SYNE2: variants seen among roughly 807,000 people sequenced by gnomAD.
SYNE2 encodes spectrin repeat containing nuclear envelope protein 2.
SYNE2 carries 431 observed loss-of-function variants against 856.3 expected under a neutral mutation model. That is an observed-to-expected ratio of 0.50 (90% CI 0.47 to 0.55). The LOEUF is 0.55. Ranked by LOEUF, SYNE2 falls within the 20% of genes least tolerant of loss-of-function variation. The pLI, the probability that SYNE2 is intolerant of heterozygous loss-of-function variation, is 0.00. For synonymous variants in SYNE2, 2,923 were observed against 2,872.3 expected (o/e 1.02, Z -0.56); for missense variants, 8,129 against 8,023.2 (o/e 1.01, Z -0.50).
At chr14:63,952,746 T>A (rs1277758014) in intron 7 of SYNE2, among the ~76,000 whole-genome samples, 3 of 152,270 alleles carry the variant, frequency 2.0e-5, no homozygotes, top group Non-Finnish European at 4.4e-5. Flanking sequence ...CACTGACTGC[T>A]ATGTAGTTTA....
Position 63,941,732 on chromosome 14 carries a change from A to G in SYNE2, c.179A>G (p.Asp60Gly). 6.2e-7 allele frequency: 1 copy of G among 1,614,166 alleles called. No homozygotes were observed. Among genetic ancestry groups the G allele is most frequent in the Non-Finnish European group, 8.5e-7 (1 of 1,180,008 alleles). ...TCAGTTATATCCGACCTATTCACAGACATTAAAAAGGGGCATGTCCTCCTG... is the reference window on the plus strand; with the variant it reads ...TCAGTTATATCCGACCTATTCACAGGCATTAAAAAGGGGCATGTCCTCCTG... ...SPSVISDLFT[D>G]IKKGHVLLDL... The change falls in exon 4 of 116, where the codon GAC becomes GGC. Residue 60 changes from aspartate to glycine, a missense_variant. Transcript: ENST00000555002.
intron 1 of SYNE2, among the ~76,000 whole-genome samples, chr14:63,764,701 T>C (rs1366272757): frequency 6.6e-6 from 1 of 151,960 alleles, no homozygotes; most frequent in Non-Finnish European, 1.5e-5. Flanking sequence ...CTGCATGCCT[T>C]AGGTATTTGT....
Position 64,022,834 on chromosome 14 carries a change from A to C in SYNE2, c.5608A>C (p.Ser1870Arg), listed in dbSNP as rs368227332. The C allele has an allele frequency of 5.2e-4, 837 of 1,608,528 alleles. 11 individuals carry two copies. In the South Asian group the frequency reaches 8.9e-3, roughly 17 times the overall value. Residue 1870 changes from serine to arginine, a missense_variant, in exon 38 of 116, where the codon AGT becomes CGT. Ser to Arg is a moderately radical substitution (Grantham distance 110, BLOSUM62 -1). Around this residue, in one of 3 missense-constraint regions of SYNE2, gnomAD observed 2,422 missense variants for 2,357.4 expected, o/e 1.03. Coordinates refer to ENST00000555002, the MANE Select transcript of SYNE2 (RefSeq NM_182914.3). ...ECFESSETKK[S>R]VEQKLQKLSD... The stretch of plus-strand genomic sequence containing the variant: ...TTTTGAATCATCAGAAACAAAAAAG[A>C]GTGTGGAACAAAAGCTACAAAAACT...
intron 1 of SYNE2, among the ~76,000 whole-genome samples, chr14:63,904,507 C>T (rs1039053344): frequency 4.0e-5 from 6 of 151,758 alleles, no homozygotes; most frequent in African/African-American, 1.2e-4. Context: ...TTAGTAGTAG[C>T]CATTCTGACT....
Position 64,065,486 on chromosome 14 carries a change from A to G in SYNE2, c.10267A>G (p.Ile3423Val), listed in dbSNP as rs779367486. 2.5e-6 allele frequency: 4 copies of G among 1,614,156 alleles called. No individual in the cohort carries two copies. In the South Asian group the frequency reaches 4.4e-5, roughly 18 times the overall value. The change falls in exon 51 of 116, where the codon ATC becomes GTC. Residue 3423 changes from isoleucine (I) to valine (V), a missense_variant. This residue lies in a region of SYNE2 where 5,410 missense variants were observed against 5,284.8 expected (regional missense o/e 1.02). Transcript: ENST00000555002. ...AGAAGAGTTAATGAAACTACGACAG[A>G]TCCTTAGACTCTTGAGACTCAGGTG... ...TKEELMKLRQILRLLRLRCTE... is the reference protein window; with the variant it reads ...TKEELMKLRQVLRLLRLRCTE...
intron 108 of SYNE2, among the ~76,000 whole-genome samples, chr14:64,217,138 T>C (rs1190754104): frequency 6.6e-6 from 1 of 152,250 alleles, no homozygotes; most frequent in Non-Finnish European, 1.5e-5. Context: ...TCCATTGCCA[T>C]GGTACCTGAG....
chr14:64,208,326 A>G (rs1152594), intron 100 of SYNE2: 168,366 of 368,212 alleles, frequency 0.46, 42,604 homozygotes, highest in African/African-American at 0.79. Context: ...TAAAAGATTG[A>G]GAGTTCCTGC....
At chr14:63,767,145 C>T (rs1253554500) in intron 1 of SYNE2, among the ~76,000 whole-genome samples, 1 of 145,658 alleles carries the variant, frequency 6.9e-6, no homozygotes, top group Non-Finnish European at 1.5e-5. Flanking sequence ...CTGGCTCTGT[C>T]GCCCAGGCTG....
intron 93 of SYNE2, 77 bp downstream of exon 93, chr14:64,169,048 G>A: frequency 2.6e-6 from 3 of 1,162,828 alleles, no homozygotes; most frequent in Non-Finnish European, 3.9e-6. Flanking sequence ...TTTCCACCAT[G>A]TGAACCTTGA....
At position 63,818,919 on chromosome 14, in the gene SYNE2, C is replaced by T. The variant is rs191391292; in HGVS notation, c.-304-33582C>T. On this transcript the variant is annotated intron_variant, in intron 1 of 23. Coordinates refer to the SYNE2 transcript ENST00000674003. ...TTCACCATGTTAGCCAGGATGGTCT[C>T]GATCTCCTGACTTCGTGATCCGCCA... Among the ~76,000 whole-genome samples the T allele has an allele frequency of 4.3e-3, 646 of 151,768 alleles. 12 individuals carry two copies. Among genetic ancestry groups the T allele is most frequent in the African/African-American group, 0.014 (587 of 41,428 alleles).
chr14:63,823,649 G>A (rs1173023676), intron 1 of SYNE2, among the ~76,000 whole-genome samples: 1 of 149,452 alleles, frequency 6.7e-6, no homozygotes, highest in Non-Finnish European at 1.5e-5. Context: ...GTCTGAGACA[G>A]GTTCTCATTC....
intron 21 of SYNE2, among the ~76,000 whole-genome samples, chr14:63,992,357 GCCTCCAA>G (rs1334032028): frequency 2.6e-5 from 4 of 151,988 alleles, no homozygotes; most frequent in Admixed American, 2.0e-4. Context: ...GCTCACTGCA[GCCTCCAA>G]CTCCTGGGCT....
At chr14:64,147,174 T>C (rs2098195062) in intron 84 of SYNE2, among the ~76,000 whole-genome samples, 1 of 152,076 alleles carries the variant, frequency 6.6e-6, no homozygotes, top group Non-Finnish European at 1.5e-5. Context: ...TACATACAGT[T>C]TCTCATTAGG....
chr14:63,932,976 A>T (rs945389737), intron 2 of SYNE2, among the ~76,000 whole-genome samples: 12 of 152,350 alleles, frequency 7.9e-5, no homozygotes, highest in Non-Finnish European at 1.8e-4. Context: ...ATGTTAGGCT[A>T]AGAATTGATC....
intron 2 of SYNE2, among the ~76,000 whole-genome samples, chr14:63,926,261 A>G (rs992091729): frequency 2.0e-5 from 3 of 150,848 alleles, no homozygotes; most frequent in Non-Finnish European, 3.0e-5. Flanking sequence ...TAGGCAATCA[A>G]TTAATCTACT....
At chr14:63,826,453 C>G (rs928681870) in intron 1 of SYNE2, among the ~76,000 whole-genome samples, 9 of 152,130 alleles carry the variant, frequency 5.9e-5, no homozygotes, top group Non-Finnish European at 1.2e-4. Flanking sequence ...GCATGTGCCA[C>G]CACACCCAGC....
rs373136852 is a variant in SYNE2, at chr14:63,950,032, A to G, written c.590+26A>G. The G allele has an allele frequency of 1.2e-5, 19 of 1,613,096 alleles. No homozygotes were observed. The Admixed American group carries it at 1.3e-4, about 11-fold the overall frequency. On this transcript the variant is annotated intron_variant, in intron 7 of 115. Transcript: ENST00000555002. ...GTAAGTAGTTTGCTATGACCCTAAG[A>G]GACACACAGGGCAGCTGTATCAACC... is the stretch of plus-strand genomic sequence containing the variant.
chr14:63,799,411 T>TTTTG (rs1441815739), intron 1 of SYNE2, among the ~76,000 whole-genome samples: 1 of 151,394 alleles, frequency 6.6e-6, no homozygotes, highest in Non-Finnish European at 1.5e-5. Context: ...TTTTTTTTTT[T>TTTTG]TTGGCCGGGC....
At chr14:63,929,725 C>T (rs899727759) in intron 2 of SYNE2, among the ~76,000 whole-genome samples, 27 of 150,966 alleles carry the variant, frequency 1.8e-4, no homozygotes, top group African/African-American at 5.1e-4. Flanking sequence ...GAGCCGAGAT[C>T]GCGCCGTTGC....
Sources: allele counts gnomAD v4.1 joint callset (sites outside exome capture counted in the v4.1 genomes callset), GRCh38; gene constraint gnomAD v4.1.1; regional missense constraint gnomAD v4.1.1; transcripts MANE v1.5; gene names NCBI Gene and HGNC (gene_info 2026-07-23, HGNC 2026-07-21).